LYST: variants seen among roughly 807,000 people sequenced by gnomAD.
LYST encodes the protein lysosomal trafficking regulator, also known as lysosomal-trafficking regulator.
In LYST, 192 loss-of-function variants were observed where a neutral mutation model predicts 413.6. That is an observed-to-expected ratio of 0.46 (90% CI 0.41 to 0.52). LYST has a LOEUF of 0.52. Among genes scored for constraint, LYST ranks in the 20% least tolerant of loss-of-function variants. The pLI, the probability that LYST is intolerant of heterozygous loss-of-function variation, is 0.00. For missense variants in LYST, 3,815 were observed against 4,499.9 expected, an observed-to-expected ratio of 0.85 and a Z score of 4.35; for synonymous variants, 1,525 against 1,567.3, an observed-to-expected ratio of 0.97 and a Z score of 0.64.
intron 1 of LYST, among the ~76,000 whole-genome samples, chr1:235,840,931 C>T (rs1558326714): frequency 6.6e-6 from 1 of 152,140 alleles, no homozygotes; most frequent in Non-Finnish European, 1.5e-5. Flanking sequence ...GGGATCAGGA[C>T]AACTCTCTGA....
At chr1:235,687,124 G>A in intron 47 of LYST, 77 bp from the exon 48 acceptor site, 2 of 1,027,226 alleles carry the variant, frequency 1.9e-6, no homozygotes, top group South Asian at 1.4e-5. Context: ...TAAAATAAAA[G>A]AATGAAAAAT....
intron 1 of LYST, among the ~76,000 whole-genome samples, chr1:235,856,939 GATTTTT>G (rs1455354969): frequency 1.6e-5 from 2 of 128,266 alleles, no homozygotes; most frequent in African/African-American, 6.5e-5. Flanking sequence ...AGGATATACT[GATTTTT>G]TTTTTTTTTT....
chr1:235,881,341 C>A (rs1023173908), intron 1 of LYST, among the ~76,000 whole-genome samples: 11 of 152,124 alleles, frequency 7.2e-5, no homozygotes, highest in African/African-American at 2.7e-4. Context: ...CTTTAATTAC[C>A]TAAAATTACT....
At chr1:235,730,613 GTATA>G (rs5781842) in intron 36 of LYST, among the ~76,000 whole-genome samples, 2 of 72,074 alleles carry the variant, frequency 2.8e-5, no homozygotes, top group Admixed American at 3.1e-4. Flanking sequence ...GTGTGTGTGT[GTATA>G]TGTAAACTAA....
intron 16 of LYST, among the ~76,000 whole-genome samples, chr1:235,778,720 T>C (rs1318840041): frequency 1.3e-5 from 2 of 151,238 alleles, no homozygotes; most frequent in Non-Finnish European, 2.9e-5. Flanking sequence ...CAATCAGACA[T>C]ACCACCCAGC....
In LYST at chr1:235,770,179, A is replaced by G. The variant is rs1668529466; in HGVS notation, c.5903T>C (p.Leu1968Pro). Residue 1968 changes from leucine to proline, a missense_variant, in exon 20 of 53, where the codon CTG becomes CCG. By Grantham distance (98) the Leu-to-Pro change is moderately conservative. Transcript: ENST00000389793. The part of the protein sequence containing the change: ...LKAQVVHHFL[L>P]TCQVLQEYKE... Reference sequence around the variant, plus strand: ...AAGTACCTGCAAAACCTGACAAGTCAGTAGAAAGTGATGAACCACTTGAGC... The same window carrying G: ...AAGTACCTGCAAAACCTGACAAGTCGGTAGAAAGTGATGAACCACTTGAGC... The G allele has an allele frequency of 6.2e-7, 1 of 1,613,502 alleles. No individual in the cohort carries two copies. Among genetic ancestry groups the G allele is most frequent in the African/African-American group, 1.3e-5 (1 of 74,922 alleles).
chr1:235,706,425 T>C (rs1661993089), intron 44 of LYST, among the ~76,000 whole-genome samples: 1 of 152,194 alleles, frequency 6.6e-6, no homozygotes. Flanking sequence ...TCCTACTCCT[T>C]TGTCCTATCA....
At chr1:235,736,463 T>C (rs1353804271) in intron 31 of LYST, 2 of 152,012 alleles carry the variant, frequency 1.3e-5, no homozygotes, top group African/African-American at 2.4e-5. Flanking sequence ...TGGTGGACAA[T>C]ATGAATAAAA....
chr1:235,776,221 G>C (rs1379518474), intron 17 of LYST, among the ~76,000 whole-genome samples: 2 of 151,936 alleles, frequency 1.3e-5, no homozygotes, highest in Non-Finnish European at 2.9e-5. Context: ...AAAGGAAGAG[G>C]TGGAGAAGAA....
At position 235,777,175 on chromosome 1, in the gene LYST, A is replaced by G; in HGVS notation, c.5348T>C (p.Ile1783Thr). The change falls in exon 17 of 53, where the codon ATC becomes ACC. Residue 1783 changes from isoleucine (I) to threonine (T), a missense_variant. Transcript: ENST00000389793. ...RPFSSKEVQS[I>T]LLEPHHLKNL... ...CTTTAGATGATGAGGTTCTAATAAG[A>G]TGCTCTGAACTTCTTTTGAGCTGAA... The G allele has an allele frequency of 2.5e-6, 4 of 1,613,782 alleles. No homozygotes were observed. The highest frequency in any genetic ancestry group is 3.4e-6 in the Non-Finnish European group (4 of 1,179,820).
intron 40 of LYST, among the ~76,000 whole-genome samples, chr1:235,719,394 G>A (rs1349126368): frequency 6.6e-6 from 1 of 152,110 alleles, no homozygotes; most frequent in South Asian, 2.1e-4. Flanking sequence ...GGCTCACCTT[G>A]TCTATTTTCT....
At chr1:235,737,131 G>A (rs975977855) in intron 31 of LYST, 1 of 152,050 alleles carries the variant, frequency 6.6e-6, no homozygotes, top group African/African-American at 2.4e-5. Flanking sequence ...TTATAATACA[G>A]TATTTTCACT....
chr1:235,776,934 A>T lies in LYST; in HGVS notation c.5460+129T>A, dbSNP rs563846763. The T allele has an allele frequency of 8.8e-5, 65 of 739,810 alleles. 1 individual carries two copies. The highest frequency in any genetic ancestry group is 8.7e-4 in the South Asian group (48 of 55,322). The allele number at this position is 739,810 out of a possible 1,614,324, so 45.8% of individuals were successfully genotyped here. On this transcript the variant is annotated intron_variant, in intron 17 of 52. Coordinates refer to ENST00000389793, the MANE Select transcript of LYST (RefSeq NM_000081.4). The stretch of plus-strand genomic sequence containing the variant: ...AAGCTTAATAACATTTTAATATGTA[A>T]TTTTTTTATGTTAAAAGTTTAATAT...
At chr1:235,738,702 G>A in intron 31 of LYST, 7 of 1,600,626 alleles carry the variant, frequency 4.4e-6, no homozygotes, top group Non-Finnish European at 6.0e-6. Context: ...CAAGCAGGTG[G>A]TTGAGAGTGC....
chr1:235,781,620 A>G (rs1357975586), intron 15 of LYST, among the ~76,000 whole-genome samples: 1 of 152,114 alleles, frequency 6.6e-6, no homozygotes, highest in African/African-American at 2.4e-5. Context: ...AAAAAACGCT[A>G]AGTTAATATG....
At chr1:235,777,447 A>C in intron 16 of LYST, 139 bp from the exon 17 acceptor site, 2 of 699,316 alleles carry the variant, frequency 2.9e-6, no homozygotes, top group Non-Finnish European at 4.9e-6. Context: ...ACTACACTAA[A>C]CAGATAAACA....
Position 235,709,245 on chromosome 1 carries a change from G to A in LYST, c.9989C>T (p.Ala3330Val). The part of the protein sequence containing the change: ...RVNHVNLPPW[A>V]RNDPRLFILI... Reference sequence around the variant, plus strand: ...GATAAAAAGACGAGGATCATTACGCGCCCAAGGGGGAAGGTTGACGTGATT... The same window carrying A: ...GATAAAAAGACGAGGATCATTACGCACCCAAGGGGGAAGGTTGACGTGATT... Residue 3330 changes from alanine to valine, a missense_variant, in exon 44 of 53, where the codon GCG (alanine) becomes GTG (valine). By Grantham distance (64) the Ala-to-Val change is moderately conservative. Transcript: ENST00000389793. 3 of 1,614,086 alleles carry A rather than the reference G, an allele frequency of 1.9e-6. No homozygotes were observed. Among genetic ancestry groups the A allele is most frequent in the Non-Finnish European group, 2.5e-6 (3 of 1,180,012 alleles).
chr1:235,670,519 C>G (rs61164689), intron 50 of LYST, among the ~76,000 whole-genome samples: 3,732 of 152,252 alleles, frequency 0.025, 149 homozygotes, highest in African/African-American at 0.085. Flanking sequence ...GGAGACGTGT[C>G]TCACTGCAGC....
Position 235,762,879 on chromosome 1 carries a change from C to T in LYST, c.6122-28G>A, listed in dbSNP as rs141182103. On this transcript the variant is annotated intron_variant, in intron 21 of 52. Coordinates refer to ENST00000389793, the MANE Select transcript of LYST (RefSeq NM_000081.4). ...AGAATCCAAATTTTTTTTGAAACAG[C>T]AAAATTTTTAAAAAGGATAAAACGA... 209 of 1,600,250 alleles carry T rather than the reference C, an allele frequency of 1.3e-4. 1 individual carries two copies. In the African/African-American group the frequency reaches 2.7e-3, roughly 21 times the overall value.
Sources: allele counts gnomAD v4.1 joint callset (sites outside exome capture counted in the v4.1 genomes callset), GRCh38; gene constraint gnomAD v4.1.1; transcripts MANE v1.5; gene names NCBI Gene and HGNC (gene_info 2026-07-23, HGNC 2026-07-21).